ATP2C2: variants seen among roughly 807,000 people sequenced by gnomAD.
The protein encoded by ATP2C2 is ATPase secretory pathway Ca2+ transporting 2, also known as calcium-transporting ATPase type 2C member 2.
ATP2C2 carries 171 observed loss-of-function variants against 110.8 expected under a neutral mutation model. The ratio of observed to expected loss-of-function variants is 1.54; its 90% CI spans 1.36 to 1.75. The LOEUF (loss-of-function observed/expected upper bound fraction) is 1.75, where lower values mean the gene tolerates loss of function less well. Among genes scored for constraint, ATP2C2 ranks in the 40% most tolerant of loss-of-function variants. ATP2C2 has a pLI of 0.00. For missense variants in ATP2C2, 1,963 were observed against 1,235.0 expected (o/e 1.59, Z -8.84); for synonymous variants, 804 against 508.4 (o/e 1.58, Z -7.82).
In ATP2C2 at chr16:84,381,336, G is replaced by A. The variant is rs1910569073; in HGVS notation, c.99+12622G>A. Reference sequence around the variant, plus strand: ...ATCTTCAGTTACTTCAGGCCATCTGGATGTATACGTGCAAGTCACAGGGGA... The same window carrying A: ...ATCTTCAGTTACTTCAGGCCATCTGAATGTATACGTGCAAGTCACAGGGGA... On this transcript the variant is annotated intron_variant, in intron 1 of 26. Transcript: ENST00000262429. Among the ~76,000 whole-genome samples, 3 of 152,148 alleles carry A rather than the reference G, an allele frequency of 2.0e-5. No individual in the cohort carries two copies. The South Asian group carries it at 6.2e-4, about 32-fold the overall frequency.
At chr16:84,371,419 T>C (rs540209812) in intron 1 of ATP2C2, among the ~76,000 whole-genome samples, 1 of 152,124 alleles carries the variant, frequency 6.6e-6, no homozygotes, top group Non-Finnish European at 1.5e-5. Context: ...GCAGGAGGAT[T>C]GCTTGCACCT....
chr16:84,450,263 C>A (rs1910138100), intron 17 of ATP2C2, among the ~76,000 whole-genome samples: 1 of 152,178 alleles, frequency 6.6e-6, no homozygotes, highest in South Asian at 2.1e-4. Context: ...TTTTTCCAAT[C>A]TGTGTTTAGT....
chr16:84,398,531 G>A lies in ATP2C2; in HGVS notation c.132G>A (p.Glu44=), dbSNP rs753656272. The A allele has an allele frequency of 1.2e-6, 2 of 1,613,160 alleles. No homozygotes were observed. The highest frequency in any genetic ancestry group is 1.1e-5 in the South Asian group (1 of 90,972). The change falls in exon 2 of 27, where the codon GAG becomes GAA. Residue 44 remains glutamate, a synonymous_variant. Coordinates refer to ENST00000262429, the MANE Select transcript of ATP2C2 (RefSeq NM_014861.4). ...IDEQSELKAI[E]KEKKVTALPP... Reference sequence around the variant, plus strand: ...AACAGAGTGAGCTGAAAGCCATCGAGAAAGAGAAGAAGGTGACAGCCCTGC... The same window carrying A: ...AACAGAGTGAGCTGAAAGCCATCGAAAAAGAGAAGAAGGTGACAGCCCTGC...
At chr16:84,384,978 G>C (rs1001395595) in intron 1 of ATP2C2, among the ~76,000 whole-genome samples, 10 of 152,206 alleles carry the variant, frequency 6.6e-5, no homozygotes, top group African/African-American at 2.2e-4. Context: ...GAACCCAGGA[G>C]GCGGAGGTTG....
intron 17 of ATP2C2, among the ~76,000 whole-genome samples, chr16:84,449,426 A>G (rs1204608554): frequency 6.6e-6 from 1 of 152,080 alleles, no homozygotes; most frequent in Non-Finnish European, 1.5e-5. Flanking sequence ...TGCCCCCCCA[A>G]ATGGTTTGTG....
chr16:84,441,109 G>T (rs961086719), intron 14 of ATP2C2, 151 bp downstream of exon 14: 90 of 698,022 alleles, frequency 1.3e-4, no homozygotes, highest in Admixed American at 7.2e-4. Flanking sequence ...TGAAAAAATG[G>T]CCTCAAAAGT....
intron 15 of ATP2C2, among the ~76,000 whole-genome samples, chr16:84,444,451 T>G (rs1307042085): frequency 6.6e-6 from 1 of 152,182 alleles, no homozygotes; most frequent in Non-Finnish European, 1.5e-5. Flanking sequence ...CCAGCCTGGG[T>G]GACAGAGCAA....
At chr16:84,390,072 C>T (rs1387778603) in intron 1 of ATP2C2, among the ~76,000 whole-genome samples, 1 of 152,234 alleles carries the variant, frequency 6.6e-6, no homozygotes, top group Non-Finnish European at 1.5e-5. Context: ...CTGTTATACC[C>T]TTAGCCCCCC....
At chr16:84,381,300 T>G (rs1178886799) in intron 1 of ATP2C2, among the ~76,000 whole-genome samples, 1 of 152,212 alleles carries the variant, frequency 6.6e-6, no homozygotes, top group Non-Finnish European at 1.5e-5. Flanking sequence ...CTATTTTTAC[T>G]TCTTTTGTGG....
chr16:84,455,510 C>G (rs922106634), intron 21 of ATP2C2, among the ~76,000 whole-genome samples: 1 of 152,172 alleles, frequency 6.6e-6, no homozygotes, highest in Admixed American at 6.5e-5. Context: ...GGGGCTTGCA[C>G]AAAACTATTT....
At chr16:84,441,970 A>AAAAAG (rs71151216) in intron 14 of ATP2C2, among the ~76,000 whole-genome samples, 1 of 143,432 alleles carries the variant, frequency 7.0e-6, no homozygotes, top group Non-Finnish European at 1.5e-5. Context: ...AGTAATAATA[A>AAAAAG]AAAAGAAAAG....
At chr16:84,396,181 C>G (rs1200468821) in intron 1 of ATP2C2, among the ~76,000 whole-genome samples, 1 of 151,996 alleles carries the variant, frequency 6.6e-6, no homozygotes, top group Non-Finnish European at 1.5e-5. Flanking sequence ...GGCTCTTATC[C>G]TGAGAGCACT....
At chr16:84,432,743 A>T (rs146475398) in intron 11 of ATP2C2, among the ~76,000 whole-genome samples, 11 of 151,482 alleles carry the variant, frequency 7.3e-5, no homozygotes, top group African/African-American at 2.7e-4. Context: ...CTCATCTCGA[A>T]CTCCTGACCT....
At chr16:84,420,404 C>T (rs918361237) in intron 7 of ATP2C2, among the ~76,000 whole-genome samples, 8 of 151,974 alleles carry the variant, frequency 5.3e-5, no homozygotes, top group African/African-American at 1.9e-4. Context: ...ACGCCTTCTC[C>T]TCCTTCCTCC....
In ATP2C2 at chr16:84,381,716, A is replaced by G. The variant is rs186836270; in HGVS notation, c.99+13002A>G. 6.5e-4 allele frequency among the ~76,000 whole-genome samples: 99 copies of G among 152,308 alleles called. 2 individuals carry two copies. The highest frequency in any genetic ancestry group is 6.1e-3 in the Admixed American group (93 of 15,296). ...GTGTATGTGGGTCAACACATCTTCAATGGCGGTGTAGGCATTCGTATTTAA... is the reference window on the plus strand; with the variant it reads ...GTGTATGTGGGTCAACACATCTTCAGTGGCGGTGTAGGCATTCGTATTTAA... On this transcript the variant is annotated intron_variant, in intron 1 of 26. Transcript: ENST00000262429.
intron 17 of ATP2C2, among the ~76,000 whole-genome samples, chr16:84,450,617 T>C (rs1910170754): frequency 6.6e-6 from 1 of 152,032 alleles, no homozygotes; most frequent in African/African-American, 2.4e-5. Context: ...CCAGCGTCAT[T>C]GGCGCAGTGT....
At chr16:84,423,362 G>A in intron 10 of ATP2C2, 99 bp downstream of exon 10, 1 of 1,115,414 alleles carries the variant, frequency 9.0e-7, no homozygotes, top group Non-Finnish European at 1.3e-6. Flanking sequence ...TTGCTACTCA[G>A]CTGCATAAGG....
chr16:84,438,041 G>A (rs1375820286), intron 11 of ATP2C2, among the ~76,000 whole-genome samples: 3 of 152,208 alleles, frequency 2.0e-5, no homozygotes, highest in Non-Finnish European at 4.4e-5. Flanking sequence ...TCCACATGGT[G>A]GCATGTGCCA....
chr16:84,444,177 A>AAC (rs1555565295), intron 15 of ATP2C2, among the ~76,000 whole-genome samples: 5 of 150,910 alleles, frequency 3.3e-5, no homozygotes, highest in African/African-American at 1.2e-4. Context: ...AAAAAAAAAA[A>AAC]AAAAAAACAA....
Sources: gnomAD v4.1 joint callset for allele counts (sites outside exome capture counted in the v4.1 genomes callset) on GRCh38, gnomAD v4.1.1 for gene constraint, MANE v1.5 for transcripts, NCBI Gene and HGNC (gene_info 2026-07-23, HGNC 2026-07-21) for gene names.